FN1: variants seen among roughly 807,000 people sequenced by gnomAD.
The protein encoded by FN1 is fibronectin.
Under a neutral mutation model 297.3 loss-of-function variants are expected in FN1, and 106 were observed. That is an observed-to-expected ratio of 0.36 (90% CI 0.30 to 0.42). FN1 has a LOEUF of 0.42. Ranked by LOEUF, FN1 falls within the 10% of genes least tolerant of loss-of-function variation. The probability of loss-of-function intolerance (pLI) is 1.00; values close to 1 mark genes in which losing one functional copy is unlikely to be tolerated. For missense variants in FN1, 2,690 were observed against 3,124.9 expected (o/e 0.86, Z 3.32); for synonymous variants, 1,149 against 1,152.6 (o/e 1.00, Z 0.06).
chr2:215,389,845 C>T (rs1053637117), intron 26 of FN1, among the ~76,000 whole-genome samples: 5 of 152,130 alleles, frequency 3.3e-5, no homozygotes, highest in African/African-American at 1.2e-4. Context: ...GCCTTTGACA[C>T]ACCTAAGCTA....
At chr2:215,435,516 G>T in intron 1 of FN1, 139 bp downstream of exon 1, 1 of 1,272,010 alleles carries the variant, frequency 7.9e-7, no homozygotes, top group Non-Finnish European at 1.1e-6. Context: ...CGGTCCTTTT[G>T]TGTGCACAGC....
intron 25 of FN1, chr2:215,392,680 G>T: frequency 1.9e-6 from 1 of 537,802 alleles, no homozygotes. Flanking sequence ...ATTTAACAGA[G>T]CAGACATCTG....
intron 30 of FN1, 126 bp downstream of exon 30, chr2:215,383,894 G>T: frequency 2.9e-6 from 3 of 1,017,300 alleles, no homozygotes; most frequent in Non-Finnish European, 4.5e-6. Flanking sequence ...GCAGGTGCTA[G>T]CTGCAGGTTG....
chr2:215,404,710 C>T (rs1159848606), intron 19 of FN1, 55 bp from the exon 20 acceptor site: 12 of 1,501,924 alleles, frequency 8.0e-6, no homozygotes, highest in Non-Finnish European at 1.1e-5. Flanking sequence ...ATGATCATAA[C>T]TCAAGTCCTG....
At position 215,391,638 on chromosome 2, in the gene FN1, A is replaced by G. The variant is rs1164021702; in HGVS notation, c.4246T>C (p.Leu1416=). 6.2e-7 allele frequency: 1 copy of G among 1,613,136 alleles called. No individual in the cohort carries two copies. Among genetic ancestry groups the G allele is most frequent in the Admixed American group, 1.7e-5 (1 of 60,026 alleles). The change falls in exon 26 of 46, where the codon TTA becomes CTA. Residue 1416 remains leucine (L), a synonymous_variant. Coordinates refer to ENST00000354785, the MANE Select transcript of FN1 (RefSeq NM_212482.4). ...SISPSDNAVV[L]TNLLPGTEYV... ...GATACATTCAACTGCTTACTTGTTA[A>G]GACCACTGCATTGTCTGAAGGAGAA...
At position 215,391,628 on chromosome 2, in the gene FN1, T is replaced by G. The variant is rs2059716534; in HGVS notation, c.4252+4A>C. 1.2e-6 allele frequency: 2 copies of G among 1,611,012 alleles called. No homozygotes were observed. The highest frequency in any genetic ancestry group is 1.7e-6 in the Non-Finnish European group (2 of 1,177,278). ...TTATGGAACAGATACATTCAACTGC[T>G]TACTTGTTAAGACCACTGCATTGTC... On this transcript the variant is annotated splice_donor_region_variant and intron_variant, in intron 26 of 45. Coordinates refer to ENST00000354785, the MANE Select transcript of FN1 (RefSeq NM_212482.4).
At chr2:215,391,584 C>T (rs1339303661) in intron 26 of FN1, 48 bp downstream of exon 26, 5 of 1,516,248 alleles carry the variant, frequency 3.3e-6, no homozygotes, top group African/African-American at 1.4e-5. Context: ...AATTCATTTG[C>T]TATGCTCTAG....
chr2:215,371,362 GTT>G (rs34947596), intron 40 of FN1, among the ~76,000 whole-genome samples: 1 of 146,660 alleles, frequency 6.8e-6, no homozygotes. Context: ...AGCTTCGCCT[GTT>G]TTTTTTTTTC....
chr2:215,373,096 C>T (rs1044030816), intron 39 of FN1, among the ~76,000 whole-genome samples: 10 of 151,890 alleles, frequency 6.6e-5, no homozygotes, highest in Admixed American at 3.9e-4. Context: ...AATAACAAGG[C>T]TTTATATTGA....
intron 36 of FN1, 88 bp from the exon 37 acceptor site, chr2:215,375,806 C>T (rs968888874): frequency 1.2e-6 from 1 of 819,748 alleles, no homozygotes; most frequent in Non-Finnish European, 2.1e-6. Context: ...CTGGGTTCTT[C>T]TATCATCCCA....
chr2:215,390,735 A>G (rs1209284314), intron 26 of FN1, among the ~76,000 whole-genome samples: 2 of 152,164 alleles, frequency 1.3e-5, no homozygotes, highest in Non-Finnish European at 2.9e-5. Context: ...ATATAAAGAT[A>G]TTCTTGCCCT....
In FN1 at chr2:215,435,930, G is replaced by A. The variant is rs1019661019; in HGVS notation, c.-128C>T. 5.9e-5 allele frequency: 85 copies of A among 1,449,376 alleles called. No individual in the cohort carries two copies. In the African/African-American group the frequency reaches 1.2e-3, roughly 20 times the overall value. The allele number at this position is 1,449,376 out of a possible 1,614,324, so 89.8% of individuals were successfully genotyped here. ...GGGTTGTCGCCTCCAAGAAGGTGGG[G>A]GCCAGAGGGTGGGGAAGGGGACGGG... On this transcript the variant is annotated 5_prime_UTR_variant, in exon 1 of 46. Transcript: ENST00000354785.
Position 215,399,295 on chromosome 2 carries a change from C to T in FN1, c.3310G>A (p.Val1104Met). ...CTTGGAGCAGGCGTCCATGTGATCA[C>T]AATGGTGGTCTCAGTCACCTCGGTG... is the stretch of plus-strand genomic sequence containing the variant. ...YNTEVTETTI[V>M]ITWTPAPRIG... is the part of the protein sequence containing the mutation. The change falls in exon 21 of 46, where the codon GTG (valine) becomes ATG (methionine). Residue 1104 changes from valine to methionine, a missense_variant. This residue lies in a region of FN1 where 1,743 missense variants were observed against 1,945.2 expected (regional missense o/e 0.90). Coordinates refer to ENST00000354785, the MANE Select transcript of FN1 (RefSeq NM_212482.4). 2 of 1,614,034 alleles carry T rather than the reference C, an allele frequency of 1.2e-6. No homozygotes were observed. The highest frequency in any genetic ancestry group is 1.1e-5 in the South Asian group (1 of 91,078).
chr2:215,370,556 A>AG (rs2055768242), intron 40 of FN1, 124 bp from the exon 41 acceptor site: 1 of 645,674 alleles, frequency 1.5e-6, no homozygotes, highest in Non-Finnish European at 2.4e-6. Context: ...ACAAAAAACA[A>AG]AAAAAAAAAA....
intron 6 of FN1, 70 bp from the exon 7 acceptor site, chr2:215,425,355 G>A (rs1158948305): frequency 7.0e-7 from 1 of 1,419,682 alleles, no homozygotes. Context: ...CTGCAGTCAG[G>A]ATCTTCAGGA....
chr2:215,386,688 C>T lies in FN1; in HGVS notation c.4612+1G>A, dbSNP rs1169388284. 1 of 1,604,114 alleles carries T rather than the reference C, an allele frequency of 6.2e-7. No homozygotes were observed. Among genetic ancestry groups the T allele is most frequent in the Non-Finnish European group, 8.5e-7 (1 of 1,175,786 alleles). On this transcript the variant is annotated splice_donor_variant, in intron 28 of 45. Coordinates refer to ENST00000354785, the MANE Select transcript of FN1 (RefSeq NM_212482.4). LOFTEE classifies it high-confidence loss of function. ...GTTTCTTTGCAGACAAGAAAAGTTACCTGTTGATTGTTGGCCAATCAATAA... is the reference window on the plus strand; with the variant it reads ...GTTTCTTTGCAGACAAGAAAAGTTATCTGTTGATTGTTGGCCAATCAATAA...
At chr2:215,400,275 A>C (rs1006605218) in intron 20 of FN1, among the ~76,000 whole-genome samples, 1 of 152,206 alleles carries the variant, frequency 6.6e-6, no homozygotes, top group African/African-American at 2.4e-5. Flanking sequence ...GCTATATAAA[A>C]GTTAAACAAA....
rs1315510560 is a variant in FN1 at position 215,424,181 on chromosome 2, T to C, written c.1181A>G (p.Gln394Arg). The change falls in exon 8 of 46, where the codon CAG becomes CGG. Residue 394 changes from glutamine (Q) to arginine (R), a missense_variant. Gln to Arg is a conservative substitution (Grantham distance 43). Coordinates refer to ENST00000354785, the MANE Select transcript of FN1 (RefSeq NM_212482.4). ...LWCSTTSNYE[Q>R]DQKYSFCTDH... The stretch of plus-strand genomic sequence containing the variant: ...TGTGCAGAAAGAGTATTTCTGGTCC[T>C]GCTCATAATTCGAAGTTGTGCTGCA... 2.5e-6 allele frequency: 4 copies of C among 1,614,232 alleles called. No homozygotes were observed. The highest frequency in any genetic ancestry group is 3.4e-6 in the Non-Finnish European group (4 of 1,180,040).
rs576918048 is a variant in FN1, at chr2:215,372,042, G to A, written c.6581C>T (p.Pro2194Leu). ...TGTAGAGGCATTTGGATTGAGTCCCGGACCGTGTGGGTACAGGTGATAGTC... is the reference window on the plus strand; with the variant it reads ...TGTAGAGGCATTTGGATTGAGTCCCAGACCGTGTGGGTACAGGTGATAGTC... ...DVDYHLYPHG[P>L]GLNPNASTGQ... Residue 2194 changes from proline to leucine, a missense_variant, in exon 40 of 46, where the codon CCG (proline) becomes CTG (leucine). By Grantham distance (98) the Pro-to-Leu change is moderately conservative (BLOSUM62 -3). Coordinates refer to ENST00000354785, the MANE Select transcript of FN1 (RefSeq NM_212482.4). 2.2e-5 allele frequency: 35 copies of A among 1,614,158 alleles called. No homozygotes were observed. The highest frequency in any genetic ancestry group is 1.1e-4 in the South Asian group (10 of 91,080).
Sources: gnomAD v4.1 joint callset for allele counts (sites outside exome capture counted in the v4.1 genomes callset) on GRCh38, gnomAD v4.1.1 for gene constraint, gnomAD v4.1.1 regional missense constraint, MANE v1.5 for transcripts, NCBI Gene and HGNC (gene_info 2026-07-23, HGNC 2026-07-21) for gene names.